Variants in GULP1 observed in about 807,000 individuals in gnomAD.
The protein encoded by GULP1 is GULP PTB domain containing engulfment adaptor 1.
In GULP1, 19 loss-of-function variants were observed where a neutral mutation model predicts 40.9. That is an observed-to-expected ratio of 0.46 (90% CI 0.32 to 0.68). The LOEUF (loss-of-function observed/expected upper bound fraction) is 0.68, where lower values mean the gene tolerates loss of function less well. Among genes scored for constraint, GULP1 ranks in the 30% least tolerant of loss-of-function variants. The probability of loss-of-function intolerance (pLI) is 0.03; values close to 1 mark genes in which losing one functional copy is unlikely to be tolerated. For missense variants in GULP1, 312 were observed against 362.2 expected, an observed-to-expected ratio of 0.86 and a Z score of 1.12; for synonymous variants, 119 against 117.6, an observed-to-expected ratio of 1.01 and a Z score of -0.08.
At chr2:188,356,610 A>G (rs1336377634) in intron 1 of GULP1, among the ~76,000 whole-genome samples, 2 of 152,128 alleles carry the variant, frequency 1.3e-5, no homozygotes, top group Non-Finnish European at 2.9e-5. Flanking sequence ...TGACCATGCT[A>G]TTCACAATGA....
intron 1 of GULP1, among the ~76,000 whole-genome samples, chr2:188,364,651 C>G (rs2046511319): frequency 6.6e-6 from 1 of 151,464 alleles, no homozygotes; most frequent in Non-Finnish European, 1.5e-5. Context: ...TTCTGAATAT[C>G]ATCCATAATT....
At chr2:188,504,552 A>T (rs1029277944) in intron 4 of GULP1, among the ~76,000 whole-genome samples, 2 of 151,960 alleles carry the variant, frequency 1.3e-5, no homozygotes, top group African/African-American at 4.8e-5. Context: ...GACAGAGAGT[A>T]ATAGGTATTT....
intron 6 of GULP1, among the ~76,000 whole-genome samples, chr2:188,530,661 A>G (rs74994587): frequency 0.011 from 1,651 of 152,278 alleles, 39 homozygotes; most frequent in African/African-American, 0.037. Context: ...GAGGCCCCAG[A>G]GAAACCAAAC....
intron 2 of GULP1, among the ~76,000 whole-genome samples, chr2:188,461,471 C>T (rs1205061775): frequency 2.0e-5 from 3 of 151,918 alleles, no homozygotes; most frequent in Non-Finnish European, 4.4e-5. Context: ...CAGGCATGCA[C>T]CACCATTCCC....
intron 6 of GULP1, among the ~76,000 whole-genome samples, chr2:188,533,270 C>T (rs779836664): frequency 2.0e-5 from 3 of 151,880 alleles, no homozygotes; most frequent in Admixed American, 6.6e-5. Flanking sequence ...TTAAGCTGGG[C>T]TTAGAAAAAG....
chr2:188,534,596 A>T (rs1488192941), intron 6 of GULP1, among the ~76,000 whole-genome samples: 2 of 152,104 alleles, frequency 1.3e-5, no homozygotes, highest in Non-Finnish European at 2.9e-5. Flanking sequence ...CATGCAGTAT[A>T]CCCTGGTAAC....
intron 1 of GULP1, among the ~76,000 whole-genome samples, chr2:188,301,714 G>A (rs543195559): frequency 1.3e-5 from 2 of 152,250 alleles, no homozygotes; most frequent in East Asian, 3.9e-4. Context: ...AGGGGAATGG[G>A]TAGAAAAGAT....
intron 2 of GULP1, among the ~76,000 whole-genome samples, chr2:188,390,725 T>G (rs539438803): frequency 1.3e-5 from 2 of 152,264 alleles, no homozygotes; most frequent in Admixed American, 6.5e-5. Flanking sequence ...CTGGGTTATC[T>G]TCTAGGTTTT....
At chr2:188,517,118 AT>A (rs776231149) in intron 4 of GULP1, among the ~76,000 whole-genome samples, 24 of 151,118 alleles carry the variant, frequency 1.6e-4, no homozygotes, top group Admixed American at 9.9e-4. Context: ...ATAAAACATT[AT>A]TTTTTTTTAA....
intron 4 of GULP1, among the ~76,000 whole-genome samples, chr2:188,511,794 A>G (rs1487904251): frequency 6.6e-6 from 1 of 152,224 alleles, no homozygotes; most frequent in Non-Finnish European, 1.5e-5. Context: ...ACAAATATTA[A>G]ATATAAAATG....
chr2:188,354,300 C>T (rs1291729645), intron 1 of GULP1, among the ~76,000 whole-genome samples: 1 of 152,094 alleles, frequency 6.6e-6, no homozygotes, highest in Non-Finnish European at 1.5e-5. Flanking sequence ...CAAACTGATG[C>T]CTACCCTACT....
At chr2:188,374,183 T>C (rs1462136894) in intron 1 of GULP1, among the ~76,000 whole-genome samples, 1 of 152,122 alleles carries the variant, frequency 6.6e-6, no homozygotes, top group African/African-American at 2.4e-5. Flanking sequence ...CAAAAGAGTA[T>C]CTGTATCATT....
chr2:188,557,402 C>G lies in GULP1; in HGVS notation c.400-11837C>G, dbSNP rs182410780. ...CCCATTCCAAAAGGGAGAAATTGGC[C>G]AAAAGAAAGGAGATACAGGCCTCAC... On this transcript the variant is annotated intron_variant, in intron 7 of 11. Coordinates refer to ENST00000409830, the MANE Select transcript of GULP1 (RefSeq NM_016315.4). Among the ~76,000 whole-genome samples, 246 of 152,148 alleles carry G rather than the reference C, an allele frequency of 1.6e-3. 3 individuals are homozygous for G. Among genetic ancestry groups the G allele is most frequent in the African/African-American group, 5.8e-3 (240 of 41,498 alleles).
intron 1 of GULP1, among the ~76,000 whole-genome samples, chr2:188,323,650 ATGTGTGTGTGTG>A (rs112584285): frequency 0.015 from 2,127 of 143,688 alleles, 27 homozygotes; most frequent in Non-Finnish European, 0.021. Flanking sequence ...ATCTGAAGAT[ATGTGTGTGTGTG>A]TGTGTGTGTG....
At chr2:188,581,845 A>G (rs956667222) in intron 9 of GULP1, among the ~76,000 whole-genome samples, 5 of 152,348 alleles carry the variant, frequency 3.3e-5, no homozygotes, top group African/African-American at 1.2e-4. Flanking sequence ...AGGACATAAT[A>G]TCACTACTAC....
chr2:188,297,547 A>G, intron 1 of GULP1: 1 of 452,256 alleles, frequency 2.2e-6, no homozygotes, highest in South Asian at 1.6e-5. Context: ...CCAGAGCTAC[A>G]AAGGCAAAGT....
At position 188,402,222 on chromosome 2, in the gene GULP1, A is replaced by G. The variant is rs904979332; in HGVS notation, c.-45+18333A>G. Among the ~76,000 whole-genome samples the G allele has an allele frequency of 2.0e-5, 3 of 152,172 alleles. No individual in the cohort carries two copies. The East Asian group carries it at 5.8e-4, about 29-fold the overall frequency. On this transcript the variant is annotated intron_variant, in intron 2 of 11. Coordinates refer to ENST00000409830, the MANE Select transcript of GULP1 (RefSeq NM_016315.4). Reference sequence around the variant, plus strand: ...AGGCTGAAAGCCGGCTAGTACCTACAGTAAGGAAAATCATTTGATACTTAT... The same window carrying G: ...AGGCTGAAAGCCGGCTAGTACCTACGGTAAGGAAAATCATTTGATACTTAT...
chr2:188,555,628 T>C (rs1192142285), intron 7 of GULP1, among the ~76,000 whole-genome samples: 1 of 152,248 alleles, frequency 6.6e-6, no homozygotes, highest in Non-Finnish European at 1.5e-5. Context: ...TTCCTCTTGC[T>C]GTTTTTATAA....
intron 2 of GULP1, among the ~76,000 whole-genome samples, chr2:188,468,523 A>C (rs1297420659): frequency 6.6e-6 from 1 of 152,206 alleles, no homozygotes; most frequent in East Asian, 1.9e-4. Context: ...GATACTAGAG[A>C]AGCAAAGATA....
Sources: gnomAD v4.1 joint callset for allele counts (sites outside exome capture counted in the v4.1 genomes callset) on GRCh38, gnomAD v4.1.1 for gene constraint, MANE v1.5 for transcripts, NCBI Gene and HGNC (gene_info 2026-07-23, HGNC 2026-07-21) for gene names.